Variants in ZFHX3 observed in about 807,000 individuals in gnomAD.
ZFHX3 encodes zinc finger homeobox 3, also known as zinc finger homeobox protein 3.
ZFHX3 carries 42 observed loss-of-function variants against 279.1 expected under a neutral mutation model. The observed-to-expected ratio is 0.15, with a 90% confidence interval of 0.12 to 0.19. ZFHX3 has a LOEUF of 0.19. Among genes scored for constraint, ZFHX3 ranks in the 10% least tolerant of loss-of-function variants. The probability of loss-of-function intolerance (pLI) is 1.00; values close to 1 mark genes in which losing one functional copy is unlikely to be tolerated. For synonymous variants in ZFHX3, 2,293 were observed against 1,957.8 expected (o/e 1.17, Z -4.52); for missense variants, 4,981 against 4,754.0 (o/e 1.05, Z -1.40).
intron 1 of ZFHX3, among the ~76,000 whole-genome samples, chr16:73,763,919 A>G (rs380151): frequency 0.82 from 118,188 of 144,268 alleles, 49,349 homozygotes; most frequent in African/African-American, 0.94. Flanking sequence ...AACCAGGGGC[A>G]GGGGGTGGGA....
At chr16:73,453,056 C>G (rs1309679089) in intron 3 of ZFHX3, among the ~76,000 whole-genome samples, 1 of 148,274 alleles carries the variant, frequency 6.7e-6, no homozygotes, top group Non-Finnish European at 1.5e-5. Flanking sequence ...ACCCATCCAT[C>G]CACTTAATGT....
intron 5 of ZFHX3, among the ~76,000 whole-genome samples, chr16:73,192,863 G>T (rs537757352): frequency 6.6e-6 from 1 of 152,146 alleles, no homozygotes; most frequent in Non-Finnish European, 1.5e-5. Context: ...CGATCGACTG[G>T]CCCAACAGGG....
intron 3 of ZFHX3, among the ~76,000 whole-genome samples, chr16:73,325,073 C>T (rs2015654187): frequency 6.6e-6 from 1 of 152,160 alleles, no homozygotes; most frequent in African/African-American, 2.4e-5. Flanking sequence ...GACTCTTTCA[C>T]AACCTCTCTG....
intron 6 of ZFHX3, among the ~76,000 whole-genome samples, chr16:73,140,340 T>G (rs1264341655): frequency 2.0e-5 from 3 of 151,878 alleles, no homozygotes; most frequent in Non-Finnish European, 4.4e-5. Context: ...TGTGTAGGGA[T>G]GTTCAAGAGT....
chr16:73,679,095 G>A (rs770400475), intron 2 of ZFHX3, among the ~76,000 whole-genome samples: 13 of 151,058 alleles, frequency 8.6e-5, no homozygotes, highest in Non-Finnish European at 1.8e-4. Context: ...ACAAAATGGT[G>A]AAAGTCATAA....
At position 73,745,685 on chromosome 16, in the gene ZFHX3, C is replaced by A. The variant is rs1233259976; in HGVS notation, c.-1607-65445G>T. 3.9e-5 allele frequency among the ~76,000 whole-genome samples: 6 copies of A among 152,168 alleles called. No homozygotes were observed. In the East Asian group the frequency reaches 1.2e-3, roughly 29 times the overall value. On this transcript the variant is annotated intron_variant, in intron 1 of 17. Coordinates refer to the ZFHX3 transcript ENST00000641206. ...AACCTTTCTTTTTACCATGAACATG[C>A]CCTATGGATCCCATAGTTTTCAAAG...
chr16:73,427,364 G>A (rs1306045237), intron 3 of ZFHX3, among the ~76,000 whole-genome samples: 1 of 152,110 alleles, frequency 6.6e-6, no homozygotes, highest in Non-Finnish European at 1.5e-5. Flanking sequence ...GGATTTGCTA[G>A]GAGGTGGAGC....
At chr16:73,448,616 C>T (rs138155615) in intron 3 of ZFHX3, among the ~76,000 whole-genome samples, 2,272 of 146,946 alleles carry the variant, frequency 0.015, 28 homozygotes, top group Non-Finnish European at 0.022. Flanking sequence ...GTAGAGACTG[C>T]GACAGAAAAA....
intron 1 of ZFHX3, among the ~76,000 whole-genome samples, chr16:72,977,051 G>C (rs898289897): frequency 2.0e-5 from 3 of 152,164 alleles, no homozygotes; most frequent in African/African-American, 7.2e-5. Context: ...ATGAGAAATT[G>C]CAGAACCACT....
intron 5 of ZFHX3, among the ~76,000 whole-genome samples, chr16:73,154,227 G>C (rs1967017708): frequency 6.6e-6 from 1 of 152,204 alleles, no homozygotes; most frequent in Non-Finnish European, 1.5e-5. Flanking sequence ...GCTGAGGCCT[G>C]CTTCCGATGG....
Position 73,523,264 on chromosome 16 carries a change from C to T in ZFHX3, c.-1546-67006G>A, listed in dbSNP as rs183719266. ...CACGAAAGCTCTTTAGCAAAGAACT[C>T]TTGGAACACAGCACCTGCTTGGTAC... is the stretch of plus-strand genomic sequence containing the variant. On this transcript the variant is annotated intron_variant, in intron 2 of 17. Coordinates refer to the ZFHX3 transcript ENST00000641206. Among the ~76,000 whole-genome samples the T allele has an allele frequency of 2.5e-3, 383 of 152,298 alleles. 4 individuals are homozygous for T. Among genetic ancestry groups the T allele is most frequent in the African/African-American group, 8.7e-3 (361 of 41,560 alleles).
chr16:73,645,290 C>CT (rs1189560639), intron 2 of ZFHX3, among the ~76,000 whole-genome samples: 2 of 152,238 alleles, frequency 1.3e-5, no homozygotes, highest in Non-Finnish European at 2.9e-5. Context: ...GAGTCTCGCT[C>CT]TGTCACCCAG....
intron 5 of ZFHX3, among the ~76,000 whole-genome samples, chr16:73,236,956 T>C (rs568171544): frequency 6.6e-6 from 1 of 152,302 alleles, no homozygotes; most frequent in Non-Finnish European, 1.5e-5. Context: ...GCTCCTCTTC[T>C]CACACAATGA....
chr16:73,474,021 C>A (rs1293496148), intron 2 of ZFHX3, among the ~76,000 whole-genome samples: 1 of 152,180 alleles, frequency 6.6e-6, no homozygotes, highest in Non-Finnish European at 1.5e-5. Flanking sequence ...GAAATGGCTA[C>A]TGGGTCCTAA....
chr16:73,513,845 C>T (rs2019475337), intron 2 of ZFHX3, among the ~76,000 whole-genome samples: 1 of 152,052 alleles, frequency 6.6e-6, no homozygotes, highest in Admixed American at 6.5e-5. Context: ...AGACGCTGAA[C>T]AAGCAGAAGG....
At chr16:73,220,455 T>C (rs1364204412) in intron 5 of ZFHX3, among the ~76,000 whole-genome samples, 1 of 152,154 alleles carries the variant, frequency 6.6e-6, no homozygotes, top group African/African-American at 2.4e-5. Context: ...TGGGTTTCCA[T>C]TGACAAGTCA....
intron 1 of ZFHX3, among the ~76,000 whole-genome samples, chr16:73,735,246 G>C (rs892992976): frequency 6.6e-6 from 1 of 151,994 alleles, no homozygotes; most frequent in Non-Finnish European, 1.5e-5. Flanking sequence ...ATCTTGTGAA[G>C]GTGAGTCAGA....
intron 2 of ZFHX3, among the ~76,000 whole-genome samples, chr16:73,491,769 G>A (rs557583624): frequency 6.6e-5 from 10 of 152,206 alleles, no homozygotes; most frequent in African/African-American, 9.6e-5. Context: ...CACAGCTGGA[G>A]GCAAGTGGTG....
At chr16:72,908,350 G>C (rs1241011679) in intron 3 of ZFHX3, among the ~76,000 whole-genome samples, 1 of 152,206 alleles carries the variant, frequency 6.6e-6, no homozygotes, top group East Asian at 1.9e-4. Context: ...GGGGCCATGA[G>C]GCTTGAGTGA....
Sources: gnomAD v4.1 joint callset for allele counts (sites outside exome capture counted in the v4.1 genomes callset) on GRCh38, gnomAD v4.1.1 for gene constraint, MANE v1.5 for transcripts, NCBI Gene and HGNC (gene_info 2026-07-23, HGNC 2026-07-21) for gene names.